The following DSE variants were observed in gnomAD, a reference collection of about 807,000 sequenced individuals.
DSE encodes the protein dermatan sulfate epimerase.
Under a neutral mutation model 84.4 loss-of-function variants are expected in DSE, and 36 were observed. The observed-to-expected ratio is 0.43, with a 90% CI of 0.33 to 0.56. The LOEUF is 0.56. DSE is among the 20% of genes least tolerant of loss of function. DSE has a pLI of 0.06. For synonymous variants in DSE, 410 were observed against 430.1 expected (o/e 0.95, Z 0.58); for missense variants, 862 against 1,169.6 (o/e 0.74, Z 3.84).
At chr6:116,320,574 A>G (rs916470417) in intron 2 of DSE, among the ~76,000 whole-genome samples, 2 of 152,232 alleles carry the variant, frequency 1.3e-5, no homozygotes, top group Non-Finnish European at 1.5e-5. Flanking sequence ...ACAAAATACC[A>G]TAGACTCAGT....
chr6:116,316,991 G>C (rs1372512608), intron 2 of DSE, among the ~76,000 whole-genome samples: 2 of 152,104 alleles, frequency 1.3e-5, no homozygotes, highest in East Asian at 3.8e-4. Flanking sequence ...AAATTTAGTA[G>C]GGTAAATTCC....
chr6:116,318,383 G>A (rs1280336655), intron 2 of DSE, among the ~76,000 whole-genome samples: 6 of 152,144 alleles, frequency 3.9e-5, no homozygotes, highest in Non-Finnish European at 5.9e-5. Context: ...GTGGGTGCCT[G>A]TAGTCCCAGC....
intron 2 of DSE, among the ~76,000 whole-genome samples, chr6:116,284,562 C>T (rs976446584): frequency 6.6e-6 from 1 of 151,894 alleles, no homozygotes; most frequent in African/African-American, 2.4e-5. Context: ...GCACAATGTG[C>T]AGGTTTGTTA....
intron 1 of DSE, among the ~76,000 whole-genome samples, chr6:116,384,893 C>A (rs1780481085): frequency 6.6e-6 from 1 of 151,942 alleles, no homozygotes; most frequent in African/African-American, 2.4e-5. Context: ...ATTAGAAGGT[C>A]ATAAGTGCCA....
At chr6:116,291,923 A>G (rs1774303425) in intron 2 of DSE, among the ~76,000 whole-genome samples, 1 of 152,192 alleles carries the variant, frequency 6.6e-6, no homozygotes, top group Non-Finnish European at 1.5e-5. Flanking sequence ...TGGAAATGTG[A>G]TTGAGTTATG....
intron 1 of DSE, chr6:116,254,957 G>A (rs1233245782): frequency 6.6e-6 from 1 of 152,272 alleles, no homozygotes; most frequent in Non-Finnish European, 1.5e-5. Flanking sequence ...GCAATAATCA[G>A]CTATGTGCAG....
intron 1 of DSE, among the ~76,000 whole-genome samples, chr6:116,384,406 A>ATG (rs59123392): frequency 0.011 from 1,713 of 152,356 alleles, 35 homozygotes; most frequent in African/African-American, 0.039. Flanking sequence ...TTAGTTAGGC[A>ATG]TGCTAATAAT....
chr6:116,356,264 A>T (rs1778564285), intron 2 of DSE, among the ~76,000 whole-genome samples: 1 of 152,230 alleles, frequency 6.6e-6, no homozygotes. Flanking sequence ...TCAAAGAGAA[A>T]TGTAGCTCCT....
In DSE at chr6:116,358,549, C is replaced by T. The variant is rs145185814; in HGVS notation, c.-53-40649C>T. Among the ~76,000 whole-genome samples, 216 of 152,290 alleles carry T rather than the reference C, an allele frequency of 1.4e-3. 1 individual carries two copies. The highest frequency in any genetic ancestry group is 4.9e-3 in the African/African-American group (203 of 41,566). The stretch of plus-strand genomic sequence containing the variant: ...TCCAGATCAACCAGGTGGACCTTTT[C>T]GTTGATGAGCTGATAGCTTCTAGGC... On this transcript the variant is annotated intron_variant, in intron 2 of 3. Coordinates refer to the DSE transcript ENST00000430252.
intron 2 of DSE, among the ~76,000 whole-genome samples, chr6:116,332,394 A>AAG (rs67588931): frequency 0.057 from 7,971 of 138,728 alleles, 684 homozygotes; most frequent in African/African-American, 0.19. Flanking sequence ...GTGTGTGTGT[A>AAG]AGAGAGACAC....
In DSE at chr6:116,444,560, T is replaced by G. The variant is rs1308082421; in HGVS notation, c.*7215T>G. ...ATTGAGCTTGCTGCAGACTGAATGTTTGCCTCCTCTCAAAATTAATATGTT... is the reference window on the plus strand; with the variant it reads ...ATTGAGCTTGCTGCAGACTGAATGTGTGCCTCCTCTCAAAATTAATATGTT... On this transcript the variant is annotated 3_prime_UTR_variant, in exon 6 of 6. Transcript: ENST00000644252. The G allele has an allele frequency of 6.6e-6, 1 of 152,218 alleles. No homozygotes were observed. The highest frequency in any genetic ancestry group is 1.5e-5 in the Non-Finnish European group (1 of 68,050). The allele number at this position is 152,218 out of a possible 1,614,324, so 9.4% of individuals were successfully genotyped here.
chr6:116,369,958 A>G (rs1420076462), upstream of DSE: 16 of 1,288,898 alleles, frequency 1.2e-5, no homozygotes, highest in African/African-American at 1.5e-5. Flanking sequence ...TCACTTCTGT[A>G]CAATCTAGGT....
chr6:116,265,571 A>G (rs1309400540), intron 2 of DSE, among the ~76,000 whole-genome samples: 3 of 152,060 alleles, frequency 2.0e-5, no homozygotes, highest in Non-Finnish European at 4.4e-5. Context: ...AGGCTGGCAC[A>G]TGGCTGTAGT....
chr6:116,324,141 C>T (rs1454364073), intron 2 of DSE, among the ~76,000 whole-genome samples: 1 of 152,192 alleles, frequency 6.6e-6, no homozygotes, highest in Non-Finnish European at 1.5e-5. Context: ...TTCGTATTAA[C>T]ATGTGGGAAA....
At chr6:116,384,081 A>C (rs996259601) in intron 1 of DSE, among the ~76,000 whole-genome samples, 3 of 152,252 alleles carry the variant, frequency 2.0e-5, no homozygotes, top group African/African-American at 7.2e-5. Context: ...CCTTATACCA[A>C]ACCATTAAAT....
intron 2 of DSE, among the ~76,000 whole-genome samples, chr6:116,293,519 T>C (rs1774436210): frequency 6.6e-6 from 1 of 152,172 alleles, no homozygotes. Flanking sequence ...CAATATTTGT[T>C]TGAAGAGTGA....
rs1780725574 is a variant in DSE, at chr6:116,388,891, A to G, written c.-53-10307A>G. 3.3e-5 allele frequency among the ~76,000 whole-genome samples: 5 copies of G among 152,316 alleles called. 1 individual carries two copies. The South Asian group carries it at 1.0e-3, about 32-fold the overall frequency. ...TTGGAATATTTAGCTGAAAGTTATA[A>G]ATGTGCAGTTGAGCAGGAAGAAGAA... is the stretch of plus-strand genomic sequence containing the variant. On this transcript the variant is annotated intron_variant, in intron 1 of 5. Transcript: ENST00000644252.
At chr6:116,309,313 CACAT>C (rs145676578) in intron 2 of DSE, among the ~76,000 whole-genome samples, 81 of 150,264 alleles carry the variant, frequency 5.4e-4, no homozygotes, top group African/African-American at 1.7e-3. Context: ...ATTTGGAATA[CACAT>C]ACATACATAC....
chr6:116,334,973 G>A (rs1778352786), intron 2 of DSE, among the ~76,000 whole-genome samples: 1 of 152,124 alleles, frequency 6.6e-6, no homozygotes, highest in Non-Finnish European at 1.5e-5. Context: ...AAGACAGTGT[G>A]GCAATTCCTC....
Sources: allele counts gnomAD v4.1 joint callset (sites outside exome capture counted in the v4.1 genomes callset), GRCh38; gene constraint gnomAD v4.1.1; transcripts MANE v1.5; gene names NCBI Gene and HGNC (gene_info 2026-07-23, HGNC 2026-07-21).